The following SLIT3 variants were observed in gnomAD, a reference collection of about 807,000 sequenced individuals.
SLIT3 encodes slit homolog 3 protein.
A neutral mutation model predicts 184.0 loss-of-function variants in SLIT3; 68 were observed. The ratio of observed to expected loss-of-function variants is 0.37; its 90% CI spans 0.30 to 0.45. The LOEUF is 0.45. SLIT3 is among the 20% of genes least tolerant of loss of function. The pLI is 1.00. For missense variants in SLIT3, 1,707 were observed against 2,026.0 expected (o/e 0.84, Z 3.02); for synonymous variants, 831 against 828.6 (o/e 1.00, Z -0.05).
intron 28 of SLIT3, among the ~76,000 whole-genome samples, chr5:168,694,883 T>G (rs1441024955): frequency 1.3e-5 from 2 of 152,228 alleles, no homozygotes; most frequent in Non-Finnish European, 2.9e-5. Context: ...CCTCTCAAAG[T>G]GCTGGGATTA....
At chr5:169,041,797 C>T in intron 4 of SLIT3, among the ~76,000 whole-genome samples, 1 of 152,262 alleles carries the variant, frequency 6.6e-6, no homozygotes, top group East Asian at 1.9e-4. Flanking sequence ...AGTTTACTCT[C>T]TAAGGCTAAC....
At chr5:168,748,199 G>C (rs1754558489) in intron 20 of SLIT3, 103 bp downstream of exon 20, 21 of 1,306,826 alleles carry the variant, frequency 1.6e-5, no homozygotes, top group Non-Finnish European at 1.9e-5. Context: ...TCTCCCCCCG[G>C]CAGTTTCGCC....
At chr5:169,065,117 G>T (rs1561640439) in intron 4 of SLIT3, among the ~76,000 whole-genome samples, 1 of 152,194 alleles carries the variant, frequency 6.6e-6, no homozygotes, top group Admixed American at 6.5e-5. Flanking sequence ...TTAGTGGAAA[G>T]GTGCAAAGCG....
At chr5:168,740,234 T>C (rs57956276) in intron 20 of SLIT3, among the ~76,000 whole-genome samples, 5,256 of 152,190 alleles carry the variant, frequency 0.035, 325 homozygotes, top group African/African-American at 0.12. Context: ...AGACTGAATG[T>C]GAGAATGAGG....
chr5:169,224,616 C>G (rs973904771), intron 3 of SLIT3, among the ~76,000 whole-genome samples: 1 of 152,158 alleles, frequency 6.6e-6, no homozygotes, highest in African/African-American at 2.4e-5. Context: ...GATCTTCCCA[C>G]TTCAGCCTCC....
At chr5:169,045,471 C>T in intron 4 of SLIT3, among the ~76,000 whole-genome samples, 1 of 151,586 alleles carries the variant, frequency 6.6e-6, no homozygotes, top group African/African-American at 2.4e-5. Flanking sequence ...AGTTTATTTC[C>T]TGGAAATATT....
At chr5:169,251,920 G>T (rs987631457) in intron 1 of SLIT3, among the ~76,000 whole-genome samples, 1 of 152,142 alleles carries the variant, frequency 6.6e-6, no homozygotes, top group Non-Finnish European at 1.5e-5. Context: ...AGCTGTTCAG[G>T]GTAGCCAGAA....
At chr5:169,041,514 T>C (rs1757448564) in intron 4 of SLIT3, among the ~76,000 whole-genome samples, 1 of 152,172 alleles carries the variant, frequency 6.6e-6, no homozygotes, top group Non-Finnish European at 1.5e-5. Context: ...CTCTTGTCCA[T>C]TACATTTACA....
intron 4 of SLIT3, among the ~76,000 whole-genome samples, chr5:168,986,197 C>A (rs146350507): frequency 2.0e-4 from 30 of 152,260 alleles, no homozygotes; most frequent in African/African-American, 6.0e-4. Flanking sequence ...AATTCCCTGA[C>A]AGTGCTAGAT....
At chr5:168,903,537 G>A (rs1463674748) in intron 4 of SLIT3, among the ~76,000 whole-genome samples, 1 of 152,168 alleles carries the variant, frequency 6.6e-6, no homozygotes, top group African/African-American at 2.4e-5. Context: ...CCCCTGACTT[G>A]CCTGCTCTTT....
intron 4 of SLIT3, among the ~76,000 whole-genome samples, chr5:169,139,484 C>A (rs181681988): frequency 4.7e-4 from 71 of 152,292 alleles, no homozygotes; most frequent in Admixed American, 2.7e-3. Flanking sequence ...AGGGAGCATG[C>A]CTGGGTTACA....
chr5:169,053,100 C>T (rs757757753), intron 4 of SLIT3, among the ~76,000 whole-genome samples: 8 of 152,296 alleles, frequency 5.3e-5, no homozygotes, highest in South Asian at 4.1e-4. Context: ...CTGCTTCCTG[C>T]GCATGCTAAT....
intron 20 of SLIT3, among the ~76,000 whole-genome samples, chr5:168,728,353 T>C (rs1228464896): frequency 6.7e-6 from 1 of 150,168 alleles, no homozygotes; most frequent in Non-Finnish European, 1.5e-5. Flanking sequence ...TTAGAACAAG[T>C]GACTGCTACA....
chr5:168,731,225 T>G (rs1422868310), intron 20 of SLIT3, among the ~76,000 whole-genome samples: 4 of 151,900 alleles, frequency 2.6e-5, no homozygotes, highest in Non-Finnish European at 4.4e-5. Flanking sequence ...CTCCTGAAAT[T>G]GAACCAGGAA....
intron 7 of SLIT3, among the ~76,000 whole-genome samples, chr5:168,818,281 C>T (rs763005425): frequency 3.3e-5 from 5 of 152,118 alleles, no homozygotes; most frequent in Admixed American, 6.5e-5. Flanking sequence ...GTTGTGGTTC[C>T]GGATGAATTT....
chr5:169,083,912 T>C (rs945796188), intron 4 of SLIT3, among the ~76,000 whole-genome samples: 2 of 152,204 alleles, frequency 1.3e-5, no homozygotes, highest in Non-Finnish European at 2.9e-5. Flanking sequence ...TAGCTCTGCT[T>C]GCCTTTCTTA....
Position 168,753,105 on chromosome 5 carries a change from G to C in SLIT3, c.1830-7C>G, listed in dbSNP as rs757022681. The C allele has an allele frequency of 8.1e-6, 13 of 1,613,858 alleles. 1 individual carries two copies. In the South Asian group the frequency reaches 1.4e-4, roughly 18 times the overall value. ...CAAGTTACTCCTCAGCATCCTACAG[G>C]GAGAGGGGTGGGGATGAGAGAGCAC... is the stretch of plus-strand genomic sequence containing the variant. On this transcript the variant is annotated splice_region_variant and splice_polypyrimidine_tract_variant and intron_variant, in intron 17 of 35. Coordinates refer to ENST00000519560, the MANE Select transcript of SLIT3 (RefSeq NM_003062.4).
chr5:168,802,076 C>T (rs1756784726), intron 9 of SLIT3, among the ~76,000 whole-genome samples: 2 of 150,026 alleles, frequency 1.3e-5, no homozygotes, highest in Non-Finnish European at 3.0e-5. Flanking sequence ...CAGTACCAAG[C>T]ATTCCTAAGG....
intron 32 of SLIT3, among the ~76,000 whole-genome samples, chr5:168,674,651 A>C (rs1761356298): frequency 6.6e-6 from 1 of 151,546 alleles, no homozygotes; most frequent in Non-Finnish European, 1.5e-5. Context: ...GCCACCACAA[A>C]CAGCTAATTT....
Sources: gnomAD v4.1 joint callset for allele counts (sites outside exome capture counted in the v4.1 genomes callset) on GRCh38, gnomAD v4.1.1 for gene constraint, MANE v1.5 for transcripts, NCBI Gene and HGNC (gene_info 2026-07-23, HGNC 2026-07-21) for gene names.